Variants in NNMT observed in about 807,000 individuals in gnomAD.
NNMT encodes nicotinamide N-methyltransferase.
In NNMT, 10 loss-of-function variants were observed where a neutral mutation model predicts 11.7. That is an observed-to-expected ratio of 0.85 (90% CI 0.53 to 1.45). NNMT has a LOEUF of 1.45. NNMT is among the 40% of genes most tolerant of loss of function. The pLI is 0.00. For synonymous variants in NNMT, 143 were observed against 133.8 expected (o/e 1.07, Z -0.48); for missense variants, 381 against 319.4 (o/e 1.19, Z -1.47).
In NNMT at chr11:114,312,299, T is replaced by C. The variant is rs760249154; in HGVS notation, c.617T>C (p.Ile206Thr). 28 of 1,614,060 alleles carry C rather than the reference T, an allele frequency of 1.7e-5. No homozygotes were observed. The highest frequency in any genetic ancestry group is 1.9e-5 in the Non-Finnish European group (23 of 1,180,028). ...MDALKSSYYM[I>T]GEQKFSSLPL... ...GCGCTCAAGAGCAGCTACTACATGA[T>C]TGGTGAGCAGAAGTTCTCCAGCCTC... Residue 206 changes from isoleucine to threonine, a missense_variant, in exon 3 of 3, where the codon ATT becomes ACT. Coordinates refer to ENST00000299964, the MANE Select transcript of NNMT (RefSeq NM_006169.3).
chr11:114,291,965 A>T (rs913506245), upstream of NNMT, among the ~76,000 whole-genome samples: 1 of 152,104 alleles, frequency 6.6e-6, no homozygotes, highest in Non-Finnish European at 1.5e-5. Flanking sequence ...CTCTGTCTTT[A>T]TCTGTTTAAA....
At chr11:114,311,376 C>T (rs1945547811) in intron 2 of NNMT, among the ~76,000 whole-genome samples, 2 of 152,136 alleles carry the variant, frequency 1.3e-5, no homozygotes, top group Non-Finnish European at 2.9e-5. Context: ...ATTGATTTGG[C>T]AGAAAAGGAC....
upstream of NNMT, among the ~76,000 whole-genome samples, chr11:114,291,995 A>C (rs367632090): frequency 2.0e-5 from 3 of 152,082 alleles, no homozygotes; most frequent in East Asian, 3.9e-4. Context: ...AGTCCATTTG[A>C]TCTCTCTTAT....
At chr11:114,281,367 A>C (rs1316205130) in intron 2 of NNMT, among the ~76,000 whole-genome samples, 1 of 152,096 alleles carries the variant, frequency 6.6e-6, no homozygotes, top group East Asian at 1.9e-4. Context: ...TGGCCATTGG[A>C]GCATAATGTG....
At chr11:114,271,727 T>C (rs1225802111) in intron 2 of NNMT, among the ~76,000 whole-genome samples, 1 of 152,102 alleles carries the variant, frequency 6.6e-6, no homozygotes, top group Non-Finnish European at 1.5e-5. Context: ...GAAACCAGGG[T>C]GTTGTGTTCG....
intron 2 of NNMT, among the ~76,000 whole-genome samples, chr11:114,279,057 T>C (rs1041131284): frequency 3.3e-5 from 5 of 152,178 alleles, no homozygotes; most frequent in Admixed American, 3.3e-4. Flanking sequence ...TAGGTTCTTC[T>C]AAGGACCTGG....
At chr11:114,264,708 C>G (rs1172150612) in intron 2 of NNMT, among the ~76,000 whole-genome samples, 1 of 152,230 alleles carries the variant, frequency 6.6e-6, no homozygotes, top group African/African-American at 2.4e-5. Context: ...CTTCTGATGA[C>G]CAGCTATATA....
chr11:114,285,469 C>T (rs1389097952), intron 2 of NNMT, among the ~76,000 whole-genome samples: 1 of 152,174 alleles, frequency 6.6e-6, no homozygotes, highest in Non-Finnish European at 1.5e-5. Context: ...CTCTACCTCC[C>T]TGCAATTAAG....
At chr11:114,289,179 T>G (rs986653827) in intron 2 of NNMT, among the ~76,000 whole-genome samples, 4 of 152,216 alleles carry the variant, frequency 2.6e-5, no homozygotes, top group African/African-American at 4.8e-5. Context: ...AGGCATAAAG[T>G]TATTTGTAAT....
intron 2 of NNMT, among the ~76,000 whole-genome samples, chr11:114,289,643 A>T (rs1945321306): frequency 6.6e-6 from 1 of 152,212 alleles, no homozygotes; most frequent in Admixed American, 6.5e-5. Context: ...TTCCAAACAA[A>T]TAAGGGTGTT....
chr11:114,303,496 C>A (rs555563662), intron 2 of NNMT, among the ~76,000 whole-genome samples: 1 of 152,206 alleles, frequency 6.6e-6, no homozygotes, highest in East Asian at 1.9e-4. Context: ...ATTTGGTGCT[C>A]ATTTTATACA....
chr11:114,300,198 T>C (rs1432062032), intron 2 of NNMT, among the ~76,000 whole-genome samples: 1 of 152,164 alleles, frequency 6.6e-6, no homozygotes, highest in Non-Finnish European at 1.5e-5. Context: ...AGGCATTTAA[T>C]GCTGCAAATT....
intron 2 of NNMT, among the ~76,000 whole-genome samples, chr11:114,280,001 G>A (rs1365997380): frequency 2.6e-5 from 4 of 152,122 alleles, no homozygotes; most frequent in Non-Finnish European, 5.9e-5. Context: ...AAGAAGCCAC[G>A]TGACAAAGGT....
rs546160965 is a variant in NNMT at position 114,275,875 on chromosome 11, A to T, written c.-130+12941A>T. ...ATTCTGTTATCCTGCAAGTGTGTGT[A>T]TGAGATGCAGAAAATGACCAGGAGT... On this transcript the variant is annotated intron_variant, in intron 2 of 4. Transcript: ENST00000535401. Among the ~76,000 whole-genome samples the T allele has an allele frequency of 4.6e-5, 7 of 152,248 alleles. No homozygotes were observed. The East Asian group carries it at 7.7e-4, about 17-fold the overall frequency.
chr11:114,298,832 CACGA>C (rs1269067114), intron 2 of NNMT, among the ~76,000 whole-genome samples: 6 of 152,172 alleles, frequency 3.9e-5, no homozygotes, highest in African/African-American at 1.2e-4. Flanking sequence ...TTTCTTCCAA[CACGA>C]GAAATTGGCA....
chr11:114,267,126 G>A lies in NNMT; in HGVS notation c.-130+4192G>A, dbSNP rs527373058. Among the ~76,000 whole-genome samples, 716 of 152,234 alleles carry A rather than the reference G, an allele frequency of 4.7e-3. 5 individuals carry two copies. Among genetic ancestry groups the A allele is most frequent in the African/African-American group, 0.016 (663 of 41,520 alleles). On this transcript the variant is annotated intron_variant, in intron 2 of 4. Transcript: ENST00000535401. ...CTAAAAACACAAAAATTAGCTGGGCGTGGTGGTGCACACCTGTAATCCCAG... is the reference window on the plus strand; with the variant it reads ...CTAAAAACACAAAAATTAGCTGGGCATGGTGGTGCACACCTGTAATCCCAG...
At chr11:114,259,330 C>G (rs1323570338) in intron 1 of NNMT, among the ~76,000 whole-genome samples, 1 of 147,730 alleles carries the variant, frequency 6.8e-6, no homozygotes, top group Admixed American at 6.8e-5. Context: ...CACGTGTACA[C>G]ACACGCAGAG....
chr11:114,285,213 G>A (rs996490914), intron 2 of NNMT, among the ~76,000 whole-genome samples: 4 of 152,168 alleles, frequency 2.6e-5, no homozygotes, highest in Admixed American at 6.5e-5. Context: ...TTGAGACGCT[G>A]GAGTATTGAT....
intron 2 of NNMT, among the ~76,000 whole-genome samples, chr11:114,270,068 C>A (rs1486163595): frequency 1.3e-5 from 2 of 151,836 alleles, no homozygotes; most frequent in Non-Finnish European, 2.9e-5. Context: ...GTGGTAGAGT[C>A]TTTTGTTTTT....
Sources: gnomAD v4.1 joint callset for allele counts (sites outside exome capture counted in the v4.1 genomes callset) on GRCh38, gnomAD v4.1.1 for gene constraint, MANE v1.5 for transcripts, NCBI Gene and HGNC (gene_info 2026-07-23, HGNC 2026-07-21) for gene names.